The following MROH9 variants were observed in gnomAD, a reference collection of about 807,000 sequenced individuals.
The protein encoded by MROH9 is maestro heat-like repeat-containing protein family member 9.
Under a neutral mutation model 98.2 loss-of-function variants are expected in MROH9, and 92 were observed. The ratio of observed to expected loss-of-function variants is 0.94; its 90% CI spans 0.79 to 1.11. MROH9 has a LOEUF of 1.11. Ranked by LOEUF, MROH9 falls within the 50% of genes most tolerant of loss-of-function variation. The probability of loss-of-function intolerance (pLI) is 0.00; values close to 1 mark genes in which losing one functional copy is unlikely to be tolerated. For synonymous variants in MROH9, 397 were observed against 368.9 expected, an observed-to-expected ratio of 1.08 and a Z score of -0.87; for missense variants, 1,057 against 1,014.8, an observed-to-expected ratio of 1.04 and a Z score of -0.57.
chr1:170,965,271 T>C lies in MROH9; in HGVS notation c.480+16T>C. ...CAGAAAATACGTAAGTCACAGAATA[T>C]AACAATGCCACCTGATTCTGAAGAC... On this transcript the variant is annotated intron_variant, in intron 7 of 21. Transcript: ENST00000367759. 2 of 1,507,076 alleles carry C rather than the reference T, an allele frequency of 1.3e-6. No individual in the cohort carries two copies. The highest frequency in any genetic ancestry group is 1.7e-5 in the Admixed American group (1 of 59,462). The allele number at this position is 1,507,076 out of a possible 1,614,324, so 93.4% of individuals were successfully genotyped here.
At chr1:171,024,228 T>A (rs1652621345) in intron 17 of MROH9, among the ~76,000 whole-genome samples, 167 bp from the exon 18 acceptor site, 1 of 152,032 alleles carries the variant, frequency 6.6e-6, no homozygotes, top group Non-Finnish European at 1.5e-5. Flanking sequence ...CAAGGTGAAT[T>A]TTTTCTAAAA....
chr1:171,014,024 T>G, intron 15 of MROH9, 93 bp from the exon 16 acceptor site: 1 of 1,052,960 alleles, frequency 9.5e-7, no homozygotes, highest in South Asian at 1.6e-5. Flanking sequence ...GAGATTTGCA[T>G]TCTAGTTTTA....
intron 7 of MROH9, among the ~76,000 whole-genome samples, chr1:170,968,551 A>G (rs540066460): frequency 1.3e-5 from 2 of 152,290 alleles, no homozygotes; most frequent in African/African-American, 2.4e-5. Context: ...CAAATAAAAG[A>G]GACCAACAAG....
intron 12 of MROH9, among the ~76,000 whole-genome samples, chr1:170,994,273 T>C (rs1302855640): frequency 6.6e-6 from 1 of 152,218 alleles, no homozygotes; most frequent in Non-Finnish European, 1.5e-5. Context: ...ACCACAATTA[T>C]ATAAGCTATT....
intron 1 of MROH9, among the ~76,000 whole-genome samples, chr1:170,937,752 T>A (rs1278437828): frequency 1.3e-5 from 2 of 152,034 alleles, no homozygotes; most frequent in African/African-American, 4.8e-5. Flanking sequence ...CTCGATCTCC[T>A]GACCTCGTGA....
intron 20 of MROH9, among the ~76,000 whole-genome samples, chr1:171,033,377 T>C (rs1652990124): frequency 1.3e-5 from 2 of 152,244 alleles, no homozygotes; most frequent in Admixed American, 6.5e-5. Flanking sequence ...GGTGGGACAC[T>C]AGGCCCCAGT....
chr1:170,959,711 G>A, intron 5 of MROH9, 114 bp downstream of exon 5: 1 of 924,346 alleles, frequency 1.1e-6, no homozygotes, highest in East Asian at 2.8e-5. Context: ...ACTCTTTTTA[G>A]TTATAACAGT....
At chr1:171,044,967 C>T (rs1653416667) in intron 20 of MROH9, among the ~76,000 whole-genome samples, 1 of 74,516 alleles carries the variant, frequency 1.3e-5, no homozygotes, top group Non-Finnish European at 2.8e-5. Flanking sequence ...TATTTCTGCT[C>T]TGATCTTTTT....
At chr1:170,975,587 T>C (rs1650653688) in intron 8 of MROH9, among the ~76,000 whole-genome samples, 1 of 152,202 alleles carries the variant, frequency 6.6e-6, no homozygotes, top group Non-Finnish European at 1.5e-5. Flanking sequence ...TAATGTCTAT[T>C]AATCTGCTCT....
chr1:171,022,734 C>G (rs1283472954), intron 17 of MROH9, among the ~76,000 whole-genome samples: 1 of 151,978 alleles, frequency 6.6e-6, no homozygotes, highest in Non-Finnish European at 1.5e-5. Flanking sequence ...CCTAAACTTT[C>G]TGCACTTGTA....
chr1:171,057,359 G>A (rs1182762101), intron 20 of MROH9, among the ~76,000 whole-genome samples: 1 of 152,104 alleles, frequency 6.6e-6, no homozygotes, highest in African/African-American at 2.4e-5. Flanking sequence ...GTGGAAGAAA[G>A]AATATCAGAG....
Position 170,996,596 on chromosome 1 carries a change from A to T in MROH9, c.1427A>T (p.Gln476Leu). 2.5e-6 allele frequency: 4 copies of T among 1,613,652 alleles called. No homozygotes were observed. Among genetic ancestry groups the T allele is most frequent in the Non-Finnish European group, 3.4e-6 (4 of 1,179,668 alleles). ...CTAATGAAGGAGAATTTCTGGGACCAGTTATCTGAAGATCTGTGTTACTAT... is the reference window on the plus strand; with the variant it reads ...CTAATGAAGGAGAATTTCTGGGACCTGTTATCTGAAGATCTGTGTTACTAT... ...ITLMKENFWD[Q>L]LSEDLCYYHG... The change falls in exon 14 of 22, where the codon CAG (glutamine) becomes CTG (leucine). Residue 476 changes from glutamine to leucine, a missense_variant. Physicochemically the swap from Gln to Leu is moderately radical, Grantham distance 113. Transcript: ENST00000367759.
At chr1:171,009,844 G>C (rs946130013) in intron 15 of MROH9, among the ~76,000 whole-genome samples, 1 of 152,190 alleles carries the variant, frequency 6.6e-6, no homozygotes, top group Non-Finnish European at 1.5e-5. Flanking sequence ...AAGGGCTAAA[G>C]GCCCATGGGG....
intron 20 of MROH9, among the ~76,000 whole-genome samples, chr1:171,061,516 T>C (rs1654014758): frequency 6.6e-6 from 1 of 152,170 alleles, no homozygotes; most frequent in Non-Finnish European, 1.5e-5. Flanking sequence ...GATGTACTTG[T>C]ATATAGCAGG....
Position 170,958,450 on chromosome 1 carries a change from A to C in MROH9, c.73-11A>C, listed in dbSNP as rs538632615. The C allele has an allele frequency of 4.8e-6, 7 of 1,469,058 alleles. No homozygotes were observed. The highest frequency in any genetic ancestry group is 5.6e-6 in the Non-Finnish European group (6 of 1,080,720). The allele number at this position is 1,469,058 out of a possible 1,614,324, so 91.0% of individuals were successfully genotyped here. ...TCTTCTTTTTTTTTTTTTTTTTAACATGGTACTTAGGCACATAAAGTTAAC... is the reference window on the plus strand; with the variant it reads ...TCTTCTTTTTTTTTTTTTTTTTAACCTGGTACTTAGGCACATAAAGTTAAC... On this transcript the variant is annotated splice_polypyrimidine_tract_variant and intron_variant, in intron 3 of 21. Coordinates refer to ENST00000367759, the MANE Select transcript of MROH9 (RefSeq NM_001163629.2).
intron 16 of MROH9, chr1:171,015,150 T>C (rs2101833091): frequency 1.4e-5 from 6 of 440,776 alleles, no homozygotes; most frequent in Admixed American, 1.2e-4. Context: ...CTAATGAGCA[T>C]AGTCTCTGAG....
chr1:171,037,278 GA>G (rs1444297270), intron 20 of MROH9, among the ~76,000 whole-genome samples: 1 of 150,252 alleles, frequency 6.7e-6, no homozygotes, highest in African/African-American at 2.4e-5. Context: ...GAGGGAGGGA[GA>G]AAAAGAAAGA....
In MROH9 at chr1:170,977,406, TG is replaced by T. The variant is rs1292584572; in HGVS notation, c.616+5525del. Among the ~76,000 whole-genome samples, 3 of 152,328 alleles carry T rather than the reference TG, an allele frequency of 2.0e-5. No homozygotes were observed. In the East Asian group the frequency reaches 5.8e-4, roughly 29 times the overall value. ...GAGTATAGTCAGTAGACTTCCTTTC[TG>T]GATGTCTTCACAGGACTGAGCCTTG... On this transcript the variant is annotated intron_variant, in intron 8 of 21. Coordinates refer to ENST00000367759, the MANE Select transcript of MROH9 (RefSeq NM_001163629.2).
In MROH9 at chr1:170,996,390, A is replaced by T. The variant is rs1651566206; in HGVS notation, c.1338-117A>T. The T allele has an allele frequency of 2.7e-6, 3 of 1,095,932 alleles. No homozygotes were observed. In the Admixed American group the frequency reaches 7.3e-5, roughly 27 times the overall value. The allele number at this position is 1,095,932 out of a possible 1,614,324, so 67.9% of individuals were successfully genotyped here. Reference sequence around the variant, plus strand: ...TTTAGCAATCTTTTTCCATTGAGACATCCCCTTTCTCAAAACCTATATTCT... The same window carrying T: ...TTTAGCAATCTTTTTCCATTGAGACTTCCCCTTTCTCAAAACCTATATTCT... On this transcript the variant is annotated intron_variant, in intron 13 of 21. Coordinates refer to ENST00000367759, the MANE Select transcript of MROH9 (RefSeq NM_001163629.2).
Sources: allele counts gnomAD v4.1 joint callset (sites outside exome capture counted in the v4.1 genomes callset), GRCh38; gene constraint gnomAD v4.1.1; transcripts MANE v1.5; gene names NCBI Gene and HGNC (gene_info 2026-07-23, HGNC 2026-07-21).